Variants in ZBTB38 observed in about 807,000 individuals in gnomAD.
ZBTB38 encodes zinc finger and BTB domain-containing protein 38.
A neutral mutation model predicts 76.8 loss-of-function variants in ZBTB38; 20 were observed. That is an observed-to-expected ratio of 0.26 (90% CI 0.18 to 0.38). ZBTB38 has a LOEUF of 0.38. ZBTB38 is among the 10% of genes least tolerant of loss of function. ZBTB38 has a pLI of 1.00. For synonymous variants in ZBTB38, 504 were observed against 544.2 expected, an observed-to-expected ratio of 0.93 and a Z score of 1.03; for missense variants, 1,082 against 1,482.3, an observed-to-expected ratio of 0.73 and a Z score of 4.43.
intron 3 of ZBTB38, among the ~76,000 whole-genome samples, chr3:141,382,372 G>C (rs973299005): frequency 1.3e-5 from 2 of 152,164 alleles, no homozygotes; most frequent in South Asian, 4.1e-4. Flanking sequence ...AAGGAAACTA[G>C]CTATAATTTT....
chr3:141,394,817 C>A (rs988170497), intron 4 of ZBTB38, among the ~76,000 whole-genome samples: 12 of 152,204 alleles, frequency 7.9e-5, no homozygotes, highest in African/African-American at 2.9e-4. Context: ...CTGAACTACA[C>A]GTTTCTGTTG....
intron 5 of ZBTB38, among the ~76,000 whole-genome samples, chr3:141,407,028 T>A (rs561117535): frequency 6.6e-6 from 1 of 152,348 alleles, no homozygotes; most frequent in Non-Finnish European, 1.5e-5. Flanking sequence ...CATTTCTGAT[T>A]ATGAAAATTC....
At chr3:141,350,805 A>G (rs1231773684) in intron 1 of ZBTB38, among the ~76,000 whole-genome samples, 1 of 152,228 alleles carries the variant, frequency 6.6e-6, no homozygotes, top group East Asian at 1.9e-4. Flanking sequence ...AAGTTCTGAT[A>G]AAATTCAAAT....
At chr3:141,357,825 G>A (rs1302520978) in intron 1 of ZBTB38, among the ~76,000 whole-genome samples, 1 of 152,152 alleles carries the variant, frequency 6.6e-6, no homozygotes, top group Non-Finnish European at 1.5e-5. Flanking sequence ...CATCAACTTA[G>A]CTTTTATTTA....
In ZBTB38 at chr3:141,443,774, C is replaced by T. The variant is rs147834356; in HGVS notation, c.1386C>T (p.Cys462=). Residue 462 remains cysteine, a synonymous_variant, in exon 6 of 6, where the codon TGC becomes TGT. Transcript: ENST00000321464. The surrounding 1 kb of genome is among the most constrained non-coding windows in gnomAD (Gnocchi z 5.6). ...TTAATGGGCAAATGCTCTACAGTTGCGTTGTGTGCAAACGTAGTTATGTGA... is the reference window on the plus strand; with the variant it reads ...TTAATGGGCAAATGCTCTACAGTTGTGTTGTGTGCAAACGTAGTTATGTGA... The part of the protein sequence containing the change: ...KFVNGQMLYS[C]VVCKRSYVTL... The T allele has an allele frequency of 3.9e-3, 6,224 of 1,613,864 alleles. 15 individuals carry two copies. Among genetic ancestry groups the T allele is most frequent in the Non-Finnish European group, 4.9e-3 (5,754 of 1,180,022 alleles).
chr3:141,349,510 G>T (rs1005335006), intron 1 of ZBTB38, among the ~76,000 whole-genome samples: 5 of 152,114 alleles, frequency 3.3e-5, no homozygotes, highest in African/African-American at 1.2e-4. Flanking sequence ...GCACCTTATT[G>T]TCTCATTCTG....
intron 2 of ZBTB38, among the ~76,000 whole-genome samples, chr3:141,377,155 G>A (rs1342202714): frequency 1.3e-5 from 2 of 152,208 alleles, no homozygotes; most frequent in Admixed American, 6.5e-5. Context: ...CTGCCTCAAA[G>A]AGGCCCAGCA....
At chr3:141,370,156 T>C (rs1315649170) in intron 2 of ZBTB38, among the ~76,000 whole-genome samples, 2 of 152,266 alleles carry the variant, frequency 1.3e-5, no homozygotes, top group Non-Finnish European at 2.9e-5. Flanking sequence ...GTTTATTTCT[T>C]GCTCATGTAA....
chr3:141,340,949 G>GGAAGGAAGGAAAGAAAGAAA (rs747290360), intron 1 of ZBTB38, among the ~76,000 whole-genome samples: 17 of 111,998 alleles, frequency 1.5e-4, no homozygotes, highest in African/African-American at 6.6e-4. Context: ...AAAGAAAGAA[G>GGAAGGAAGGAAAGAAAGAAA]GAAAGAAAGA....
intron 4 of ZBTB38, among the ~76,000 whole-genome samples, chr3:141,397,376 T>C (rs944765078): frequency 6.6e-6 from 1 of 152,222 alleles, no homozygotes; most frequent in Non-Finnish European, 1.5e-5. Flanking sequence ...ATGTTGTGGC[T>C]CGTTTGATCC....
At chr3:141,436,575 G>A (rs2078842885) in intron 5 of ZBTB38, among the ~76,000 whole-genome samples, 1 of 152,112 alleles carries the variant, frequency 6.6e-6, no homozygotes, top group Non-Finnish European at 1.5e-5. Flanking sequence ...TCGGCTCACT[G>A]CAACCTCCGC....
chr3:141,398,002 A>G (rs1189374390), intron 4 of ZBTB38, among the ~76,000 whole-genome samples: 1 of 152,208 alleles, frequency 6.6e-6, no homozygotes, highest in Non-Finnish European at 1.5e-5. Context: ...TTCAACCTGT[A>G]AAAAAAGACG....
intron 4 of ZBTB38, among the ~76,000 whole-genome samples, chr3:141,399,989 T>G (rs954445787): frequency 7.9e-6 from 1 of 127,116 alleles, no homozygotes. Context: ...AAGTCTTGCT[T>G]TTTTTTTTTT....
chr3:141,438,348 G>A (rs572676225), intron 5 of ZBTB38: 77 of 152,360 alleles, frequency 5.1e-4, no homozygotes, highest in Middle Eastern at 3.4e-3. Context: ...TCAGCCTCCC[G>A]AGTAGCTGGG....
chr3:141,376,375 T>A (rs1435783972), intron 2 of ZBTB38, among the ~76,000 whole-genome samples: 2 of 152,158 alleles, frequency 1.3e-5, no homozygotes, highest in Admixed American at 1.3e-4. Flanking sequence ...ACCAGGGAAT[T>A]TTGTTGATGA....
rs774021554 is a variant in ZBTB38, at chr3:141,445,561, G to T, written c.3173G>T (p.Arg1058Leu). 6.2e-7 allele frequency: 1 copy of T among 1,614,182 alleles called. No individual in the cohort carries two copies. Among genetic ancestry groups the T allele is most frequent in the South Asian group, 1.1e-5 (1 of 91,078 alleles). ...CAAGGAAACTTACAGAAACATGAAC[G>T]CATCCACCTGGGCTTGAAGGAGTTC... ...SVQGNLQKHE[R>L]IHLGLKEFVC... The change falls in exon 6 of 6, where the codon CGC becomes CTC. Residue 1058 changes from arginine to leucine, a missense_variant. Arg to Leu is a moderately radical substitution (Grantham distance 102). This residue lies in a region of ZBTB38 where 69 missense variants were observed against 148.2 expected (regional missense o/e 0.47). Coordinates refer to ENST00000321464, the MANE Select transcript of ZBTB38 (RefSeq NM_001376113.1). This position sits in a 1 kb window ranked among gnomAD's most constrained non-coding sequence, Gnocchi z 6.5.
At chr3:141,374,622 T>A (rs757489534) in intron 2 of ZBTB38, among the ~76,000 whole-genome samples, 23 of 152,102 alleles carry the variant, frequency 1.5e-4, no homozygotes, top group Non-Finnish European at 3.2e-4. Context: ...AGAAAAAAAT[T>A]GGAAAAAATA....
At chr3:141,399,984 TTGC>T (rs1207826301) in intron 4 of ZBTB38, among the ~76,000 whole-genome samples, 1 of 142,970 alleles carries the variant, frequency 7.0e-6, no homozygotes. Flanking sequence ...CTTGAAAGTC[TTGC>T]TTTTTTTTTT....
chr3:141,332,034 C>T (rs756854223), intron 1 of ZBTB38, among the ~76,000 whole-genome samples: 25 of 152,326 alleles, frequency 1.6e-4, no homozygotes, highest in Middle Eastern at 3.4e-3. Flanking sequence ...GTGTCACCAA[C>T]GTTTCTTTTT....
Sources: gnomAD v4.1 joint callset for allele counts (sites outside exome capture counted in the v4.1 genomes callset) on GRCh38, gnomAD v4.1.1 for gene constraint, gnomAD v4.1.1 regional missense constraint, Gnocchi (gnomAD v3.1) non-coding constraint, MANE v1.5 for transcripts, NCBI Gene and HGNC (gene_info 2026-07-23, HGNC 2026-07-21) for gene names.